Variants in CLVS2 observed in about 807,000 individuals in gnomAD.
CLVS2 encodes clavesin 2.
Under a neutral mutation model 29.0 loss-of-function variants are expected in CLVS2, and 19 were observed. That is an observed-to-expected ratio of 0.66 (90% CI 0.46 to 0.96). The LOEUF is 0.96. Among genes scored for constraint, CLVS2 ranks in the 40% least tolerant of loss-of-function variants. The pLI, the probability that CLVS2 is intolerant of heterozygous loss-of-function variation, is 0.00. For missense variants in CLVS2, 294 were observed against 404.1 expected (o/e 0.73, Z 2.34); for synonymous variants, 161 against 151.3 (o/e 1.06, Z -0.47).
At chr6:123,017,759 T>C (rs1233816660) in intron 3 of CLVS2, among the ~76,000 whole-genome samples, 1 of 152,082 alleles carries the variant, frequency 6.6e-6, no homozygotes, top group African/African-American at 2.4e-5. Flanking sequence ...GATAATGGAC[T>C]AGATTAATTC....
chr6:123,034,621 T>G (rs894689782), intron 3 of CLVS2, among the ~76,000 whole-genome samples: 1 of 152,090 alleles, frequency 6.6e-6, no homozygotes. Context: ...AGCCCTGTGG[T>G]GATAGAACAT....
At chr6:123,036,041 A>G (rs1158445225) in intron 3 of CLVS2, among the ~76,000 whole-genome samples, 1 of 152,180 alleles carries the variant, frequency 6.6e-6, no homozygotes, top group East Asian at 1.9e-4. Flanking sequence ...GCATATTAGT[A>G]GACCAAATAC....
chr6:122,998,575 GTCA>G (rs984472335), intron 2 of CLVS2, among the ~76,000 whole-genome samples: 1 of 152,084 alleles, frequency 6.6e-6, no homozygotes, highest in African/African-American at 2.4e-5. Flanking sequence ...CATCATCATT[GTCA>G]TCATCATCAT....
In CLVS2 at chr6:122,998,038, A is replaced by C; in HGVS notation, c.261A>C (p.Lys87Asn). Reference protein sequence around the residue: ...EYRQQNLDMFKSFKATDPGIK... With the variant: ...EYRQQNLDMFNSFKATDPGIK... ...GGCAGCAGAACCTGGACATGTTCAA[A>C]AGCTTTAAGGCCACCGACCCTGGCA... The change falls in exon 2 of 6, where the codon AAA (lysine) becomes AAC (asparagine). Residue 87 changes from lysine (K) to asparagine (N), a missense_variant. Lys to Asn is a moderately conservative substitution (Grantham distance 94). Around this residue, in one of 2 missense-constraint regions of CLVS2, gnomAD observed 212 missense variants for 336.4 expected, o/e 0.63. Transcript: ENST00000275162. 1 of 1,614,148 alleles carries C rather than the reference A, an allele frequency of 6.2e-7. No homozygotes were observed. Among genetic ancestry groups the C allele is most frequent in the Non-Finnish European group, 8.5e-7 (1 of 1,180,022 alleles).
At chr6:123,039,848 T>C in intron 3 of CLVS2, among the ~76,000 whole-genome samples, 1 of 152,212 alleles carries the variant, frequency 6.6e-6, no homozygotes, top group East Asian at 1.9e-4. Flanking sequence ...ATTAGCTCTT[T>C]AGCTATGTAA....
chr6:123,059,906 G>A (rs978928744), intron 5 of CLVS2, among the ~76,000 whole-genome samples: 1 of 152,158 alleles, frequency 6.6e-6, no homozygotes, highest in Admixed American at 6.6e-5. Flanking sequence ...TGAGTTTCCT[G>A]CTGGTGTCAT....
chr6:123,042,164 C>A (rs1775242929), intron 3 of CLVS2, among the ~76,000 whole-genome samples: 1 of 152,058 alleles, frequency 6.6e-6, no homozygotes. Context: ...CAAGTAAAAA[C>A]CCTTTCTAAC....
At chr6:123,013,817 C>T (rs140488473) in intron 3 of CLVS2, among the ~76,000 whole-genome samples, 3,045 of 151,990 alleles carry the variant, frequency 0.02, 106 homozygotes, top group African/African-American at 0.071. Flanking sequence ...CTCCTCCCCC[C>T]ACCCCACAAC....
At chr6:123,044,830 A>T (rs1460839834) in intron 3 of CLVS2, among the ~76,000 whole-genome samples, 1 of 152,090 alleles carries the variant, frequency 6.6e-6, no homozygotes, top group African/African-American at 2.4e-5. Flanking sequence ...GAACAAAGGT[A>T]GTTTTTTTGT....
At chr6:123,000,490 C>T (rs1312393775) in intron 2 of CLVS2, among the ~76,000 whole-genome samples, 2 of 152,312 alleles carry the variant, frequency 1.3e-5, no homozygotes, top group East Asian at 3.9e-4. Flanking sequence ...CAAAGGACAG[C>T]TGCCTTTCTG....
At chr6:123,032,965 A>G (rs1775104424) in intron 3 of CLVS2, among the ~76,000 whole-genome samples, 2 of 152,208 alleles carry the variant, frequency 1.3e-5, no homozygotes, top group South Asian at 4.1e-4. Context: ...TTCTTTATAT[A>G]GGTAAGAGTT....
intron 3 of CLVS2, among the ~76,000 whole-genome samples, chr6:123,041,218 A>T (rs567713145): frequency 4.7e-4 from 72 of 152,304 alleles, no homozygotes; most frequent in African/African-American, 1.7e-3. Context: ...AATTCCTTCC[A>T]GTCATCTTGA....
intron 3 of CLVS2, among the ~76,000 whole-genome samples, chr6:123,021,793 T>C (rs1774927713): frequency 1.3e-5 from 2 of 152,062 alleles, no homozygotes; most frequent in African/African-American, 2.4e-5. Flanking sequence ...TTGGTGAGGG[T>C]GTAACTCTAG....
chr6:123,051,909 T>A (rs1772616773), intron 4 of CLVS2, among the ~76,000 whole-genome samples: 1 of 152,018 alleles, frequency 6.6e-6, no homozygotes. Context: ...ACAGAACTAG[T>A]GAAAACAAAG....
intron 3 of CLVS2, among the ~76,000 whole-genome samples, chr6:123,011,943 G>A (rs1347112535): frequency 6.6e-6 from 1 of 151,982 alleles, no homozygotes; most frequent in African/African-American, 2.4e-5. Context: ...CATCAATGTT[G>A]AGTAAGCCCA....
At chr6:123,048,557 CT>C in intron 3 of CLVS2, 64 bp from the exon 4 acceptor site, 1 of 1,081,178 alleles carries the variant, frequency 9.2e-7, no homozygotes, top group Non-Finnish European at 1.4e-6. Flanking sequence ...ACCATATAAC[CT>C]TTCCTAAACC....
At chr6:123,002,319 T>C (rs2114296603) in intron 2 of CLVS2, among the ~76,000 whole-genome samples, 1 of 152,290 alleles carries the variant, frequency 6.6e-6, no homozygotes, top group Non-Finnish European at 1.5e-5. Context: ...ATACTCTAAC[T>C]TATCCTGGAA....
intron 3 of CLVS2, among the ~76,000 whole-genome samples, chr6:123,044,308 T>C (rs1403654404): frequency 6.6e-6 from 1 of 152,208 alleles, no homozygotes. Flanking sequence ...CAACTGCCGC[T>C]TAAACCACAG....
At chr6:123,052,100 T>C (rs866288359) in intron 4 of CLVS2, among the ~76,000 whole-genome samples, 2 of 114,686 alleles carry the variant, frequency 1.7e-5, no homozygotes, top group Middle Eastern at 0.01. Context: ...GCCAAGACAA[T>C]ATATGCATGA....
Sources: gnomAD v4.1 joint callset for allele counts (sites outside exome capture counted in the v4.1 genomes callset) on GRCh38, gnomAD v4.1.1 for gene constraint, gnomAD v4.1.1 regional missense constraint, MANE v1.5 for transcripts, NCBI Gene and HGNC (gene_info 2026-07-23, HGNC 2026-07-21) for gene names.